Variants in ZZEF1 observed in about 807,000 individuals in gnomAD.
ZZEF1 encodes zinc finger ZZ-type and EF-hand domain-containing protein 1.
In ZZEF1, 157 loss-of-function variants were observed where a neutral mutation model predicts 342.8. The observed-to-expected ratio is 0.46, with a 90% CI of 0.40 to 0.52. ZZEF1 has a LOEUF of 0.52. Among genes scored for constraint, ZZEF1 ranks in the 20% least tolerant of loss-of-function variants. The pLI, the probability that ZZEF1 is intolerant of heterozygous loss-of-function variation, is 0.00. For missense variants in ZZEF1, 3,480 were observed against 3,725.6 expected (o/e 0.93, Z 1.72); for synonymous variants, 1,505 against 1,429.1 (o/e 1.05, Z -1.20).
intron 30 of ZZEF1, among the ~76,000 whole-genome samples, chr17:4,060,480 C>T (rs1403057199): frequency 5.9e-5 from 9 of 151,876 alleles, no homozygotes; most frequent in Admixed American, 3.3e-4. Context: ...ACCTGGGAGA[C>T]GGAGGCCGCA....
chr17:4,033,782 T>C (rs1490595879), intron 40 of ZZEF1: 5 of 570,138 alleles, frequency 8.8e-6, no homozygotes, highest in Non-Finnish European at 1.6e-5. Context: ...CATTAGAGAG[T>C]TGAATCAGCA....
rs1597754529 is a variant in ZZEF1, at chr17:4,014,251, G to A, written c.8315-63C>T. ...AGCAACAGGGAATGGCAGCAGTGGT[G>A]TTGGGTTTCAACATTCTCCAGTAAG... On this transcript the variant is annotated intron_variant, in intron 50 of 54. Coordinates refer to ENST00000381638, the MANE Select transcript of ZZEF1 (RefSeq NM_015113.4). The surrounding 1 kb of genome is among the most constrained non-coding windows in gnomAD (Gnocchi z 4.4). The A allele has an allele frequency of 6.2e-7, 1 of 1,610,394 alleles. No individual in the cohort carries two copies. The highest frequency in any genetic ancestry group is 2.2e-5 in the East Asian group (1 of 44,854).
chr17:4,054,156 C>T lies in ZZEF1; in HGVS notation c.5335G>A (p.Val1779Met), dbSNP rs2057107781. The T allele has an allele frequency of 6.2e-7, 1 of 1,613,820 alleles. No individual in the cohort carries two copies. The highest frequency in any genetic ancestry group is 1.3e-5 in the African/African-American group (1 of 74,928). Reference sequence around the variant, plus strand: ...TCACACCCATCACAAGAGATGTCCACATTTAACAGGTCACAGTAGCGAGCA... The same window carrying T: ...TCACACCCATCACAAGAGATGTCCATATTTAACAGGTCACAGTAGCGAGCA... Reference protein sequence around the residue: ...FIARYCDLLNVDISCDGCDEI... With the variant: ...FIARYCDLLNMDISCDGCDEI... Residue 1779 changes from valine to methionine, a missense_variant, in exon 34 of 55, where the codon GTG becomes ATG. Val to Met is a conservative substitution (Grantham distance 21). Transcript: ENST00000381638.
intron 10 of ZZEF1, 69 bp from the exon 11 acceptor site, chr17:4,096,048 TG>T: frequency 6.6e-7 from 1 of 1,505,204 alleles, no homozygotes; most frequent in Non-Finnish European, 9.0e-7. Flanking sequence ...GTTTCCAGCA[TG>T]GTTAAATTCA....
At chr17:4,123,266 A>T (rs1462788453) in intron 2 of ZZEF1, among the ~76,000 whole-genome samples, 3 of 72,448 alleles carry the variant, frequency 4.1e-5, no homozygotes, top group Non-Finnish European at 8.3e-5. Context: ...ATTTATCATA[A>T]CCATATATAT....
chr17:4,120,220 G>A lies in ZZEF1; in HGVS notation c.500-3054C>T, dbSNP rs142274941. 4.3e-3 allele frequency among the ~76,000 whole-genome samples: 657 copies of A among 152,190 alleles called. 7 individuals are homozygous for A. Among genetic ancestry groups the A allele is most frequent in the African/African-American group, 0.015 (616 of 41,508 alleles). ...AAAAATACAAAAATTATCTGGGCGC[G>A]GTGGCGGGTGCCTGTAATTCCAGCT... On this transcript the variant is annotated intron_variant, in intron 2 of 54. Transcript: ENST00000381638.
intron 1 of ZZEF1, among the ~76,000 whole-genome samples, chr17:4,141,717 AAAG>A (rs1029390491): frequency 4.7e-4 from 11 of 23,188 alleles, no homozygotes; most frequent in Non-Finnish European, 4.3e-3. Flanking sequence ...AAGTTGAAAG[AAAG>A]AAAAAAAAAA....
At chr17:4,032,344 T>G in intron 41 of ZZEF1, 86 bp from the exon 42 acceptor site, 1 of 1,436,932 alleles carries the variant, frequency 7.0e-7, no homozygotes, top group Non-Finnish European at 9.4e-7. Context: ...CCCCCTTTGA[T>G]TGTGCCTCTG....
In ZZEF1 at chr17:4,129,728, T is replaced by G. The variant is rs573067718; in HGVS notation, c.355-5677A>C. On this transcript the variant is annotated intron_variant, in intron 1 of 54. Coordinates refer to ENST00000381638, the MANE Select transcript of ZZEF1 (RefSeq NM_015113.4). ...GGTAGGCACCTATAGTCCCAGCTAC[T>G]CGGGAGGCTGAGGCAGGAGAATCAC... Among the ~76,000 whole-genome samples, 507 of 151,910 alleles carry G rather than the reference T, an allele frequency of 3.3e-3. 3 individuals carry two copies. Among genetic ancestry groups the G allele is most frequent in the South Asian group, 0.021 (103 of 4,812 alleles).
At chr17:4,130,509 C>T (rs2058646544) in intron 1 of ZZEF1, among the ~76,000 whole-genome samples, 1 of 151,718 alleles carries the variant, frequency 6.6e-6, no homozygotes, top group African/African-American at 2.4e-5. Context: ...AATATCACAA[C>T]AAAACAAAAA....
intron 33 of ZZEF1, among the ~76,000 whole-genome samples, chr17:4,055,714 G>C (rs1394115767): frequency 6.6e-6 from 1 of 152,204 alleles, no homozygotes; most frequent in Non-Finnish European, 1.5e-5. Context: ...AATGAGTCTA[G>C]TTCTACGGCA....
At chr17:4,115,074 T>G (rs992900496) in intron 3 of ZZEF1, among the ~76,000 whole-genome samples, 1 of 152,074 alleles carries the variant, frequency 6.6e-6, no homozygotes, top group Non-Finnish European at 1.5e-5. Flanking sequence ...CAGGCTGGAG[T>G]GCAGTGGTGT....
At chr17:4,034,833 C>CA (rs2056626058) in intron 39 of ZZEF1, among the ~76,000 whole-genome samples, 1 of 152,116 alleles carries the variant, frequency 6.6e-6, no homozygotes, top group Admixed American at 6.5e-5. Context: ...CCTGTATCTA[C>CA]AAAAAATACA....
At chr17:4,118,405 G>C (rs1317396802) in intron 2 of ZZEF1, among the ~76,000 whole-genome samples, 1 of 152,156 alleles carries the variant, frequency 6.6e-6, no homozygotes, top group African/African-American at 2.4e-5. Flanking sequence ...GTAGGGCCTT[G>C]CTCCAAAATC....
chr17:4,125,055 C>G (rs1043851796), intron 1 of ZZEF1, among the ~76,000 whole-genome samples: 2 of 152,174 alleles, frequency 1.3e-5, no homozygotes, highest in African/African-American at 2.4e-5. Flanking sequence ...GAGCCCAGTA[C>G]AGTGAAAAGC....
intron 36 of ZZEF1, among the ~76,000 whole-genome samples, chr17:4,050,569 T>C (rs2057022568): frequency 6.6e-6 from 1 of 152,188 alleles, no homozygotes; most frequent in Non-Finnish European, 1.5e-5. Context: ...TTAATATTAG[T>C]TTCAGAGAAA....
chr17:4,088,202 T>C (rs1431115439), intron 13 of ZZEF1, among the ~76,000 whole-genome samples: 1 of 152,214 alleles, frequency 6.6e-6, no homozygotes, highest in Non-Finnish European at 1.5e-5. Context: ...GAGTTGTCAC[T>C]GTGTTATATT....
intron 37 of ZZEF1, among the ~76,000 whole-genome samples, chr17:4,048,934 G>A (rs1243228197): frequency 2.0e-5 from 3 of 147,312 alleles, no homozygotes; most frequent in African/African-American, 5.0e-5. Flanking sequence ...TGGCCAGGCT[G>A]GTCTTGAACA....
Position 4,064,648 on chromosome 17 carries a change from A to G in ZZEF1, c.4431T>C (p.Thr1477=). The G allele has an allele frequency of 6.2e-7, 1 of 1,614,212 alleles. No homozygotes were observed. The highest frequency in any genetic ancestry group is 1.3e-5 in the African/African-American group (1 of 75,060). ...CTCCTGTGGCAGGGGGTGCGGCTTC[A>G]GTGGGAGATACTGAGGCTTGGAAAT... The part of the protein sequence containing the change: ...EEHFQASVSP[T]EAAPPATGDQ... The change falls in exon 29 of 55, where the codon ACT becomes ACC. Residue 1477 remains threonine (T), a synonymous_variant. Transcript: ENST00000381638.
Sources: allele counts gnomAD v4.1 joint callset (sites outside exome capture counted in the v4.1 genomes callset), GRCh38; gene constraint gnomAD v4.1.1; non-coding constraint Gnocchi (gnomAD v3.1); transcripts MANE v1.5; gene names NCBI Gene and HGNC (gene_info 2026-07-23, HGNC 2026-07-21).